NBPF10: variants seen among roughly 807,000 people sequenced by gnomAD.
NBPF10 encodes NBPF family member NBPF10.
Under a neutral mutation model 77.9 loss-of-function variants are expected in NBPF10, and 63 were observed. The ratio of observed to expected loss-of-function variants is 0.81; its 90% CI spans 0.66 to 1.00. The LOEUF (loss-of-function observed/expected upper bound fraction) is 1.00, where lower values mean the gene tolerates loss of function less well. Among genes scored for constraint, NBPF10 ranks in the 50% least tolerant of loss-of-function variants. The probability of loss-of-function intolerance (pLI) is 0.00; values close to 1 mark genes in which losing one functional copy is unlikely to be tolerated. For missense variants in NBPF10, 522 were observed against 679.8 expected (o/e 0.77, Z 2.58); for synonymous variants, 146 against 264.5 (o/e 0.55, Z 4.35).
At chr1:146,080,992 C>G (rs1273739797) in intron 71 of NBPF10, among the ~76,000 whole-genome samples, 3 of 80,176 alleles carry the variant, frequency 3.7e-5, no homozygotes, top group African/African-American at 9.9e-5. Flanking sequence ...CACACACACA[C>G]ACACACACAC....
At chr1:146,126,158 A>T in intron 14 of NBPF10, 78 bp downstream of exon 14, 2 of 915,562 alleles carry the variant, frequency 2.2e-6, no homozygotes, top group Admixed American at 1.7e-5. Flanking sequence ...CAGCTCAGTA[A>T]CGGCCACTTG....
rs3977239 is a variant in NBPF10, at chr1:146,136,184, C to A, written c.1091+169G>T. On this transcript the variant is annotated intron_variant, in intron 7 of 89. Coordinates refer to ENST00000583866, the Ensembl canonical transcript of NBPF10. ...CTCTGAGAAACAACTGCAACCCATA[C>A]ATTTTTACTATCCTTCTTCTCTGAT... is the stretch of plus-strand genomic sequence containing the variant. 4.2e-3 allele frequency among the ~76,000 whole-genome samples: 635 copies of A among 151,896 alleles called. 10 individuals are homozygous for A. Among genetic ancestry groups the A allele is most frequent in the African/African-American group, 0.011 (457 of 41,304 alleles).
In NBPF10 at chr1:146,125,059, GGA is replaced by G. The variant is rs371475271; in HGVS notation, c.2079-201_2079-200del. On this transcript the variant is annotated intron_variant, in intron 15 of 89. Coordinates refer to ENST00000583866, the Ensembl canonical transcript of NBPF10. Reference sequence around the variant, plus strand: ...GAATGAAAGAGAAAGACAGGGAGAGGGAGAGAGAGAGAGAGAGAGAGAGGAGA... The same window carrying G: ...GAATGAAAGAGAAAGACAGGGAGAGGGAGAGAGAGAGAGAGAGAGAGGAGA... 1.7e-3 allele frequency among the ~76,000 whole-genome samples: 115 copies of G among 69,516 alleles called. 1 individual carries two copies. Among genetic ancestry groups the G allele is most frequent in the Non-Finnish European group, 2.5e-3 (93 of 37,074 alleles). The allele number at this position is 69,516 out of a possible 152,430, so 45.6% of individuals were successfully genotyped here.
At position 146,067,235 on chromosome 1, in the gene NBPF10, C is replaced by A. The variant is rs782346895; in HGVS notation, c.11089G>T (p.Glu3697Ter). Reference sequence around the variant, plus strand: ...CCTTCTTTTCTTCCCCTTCTTCTTTCCTTCTTTGATCTTCTTCCCCTTCTT... The same window carrying A: ...CCTTCTTTTCTTCCCCTTCTTCTTTACTTCTTTGATCTTCTTCCCCTTCTT... The change falls in exon 89 of 90, where the codon GAA (glutamate) becomes TAA (stop). Residue 3697 changes from glutamate to a stop codon, truncating the protein, a stop_gained. Coordinates refer to ENST00000583866, the Ensembl canonical transcript of NBPF10. LOFTEE classifies it high-confidence loss of function. The A allele has an allele frequency of 1.1e-5, 6 of 551,802 alleles. No individual in the cohort carries two copies. Among genetic ancestry groups the A allele is most frequent in the Non-Finnish European group, 1.9e-5 (6 of 313,504 alleles). The allele number at this position is 551,802 out of a possible 1,614,324, so 34.2% of individuals were successfully genotyped here.
rs1219483345 is a variant in NBPF10, at chr1:146,139,004, G to C, written c.779-559C>G. On this transcript the variant is annotated intron_variant, in intron 5 of 89. Coordinates refer to ENST00000583866, the Ensembl canonical transcript of NBPF10. ...TCGCCATCTTGGACAGGCTGGTTTCGAACTCCTGAGCTCAGGTGTTCCGCC... is the reference window on the plus strand; with the variant it reads ...TCGCCATCTTGGACAGGCTGGTTTCCAACTCCTGAGCTCAGGTGTTCCGCC... Among the ~76,000 whole-genome samples the C allele has an allele frequency of 1.5e-3, 204 of 139,314 alleles. 7 individuals carry two copies. The highest frequency in any genetic ancestry group is 9.3e-3 in the South Asian group (37 of 3,988). The allele number at this position is 139,314 out of a possible 152,430, so 91.4% of individuals were successfully genotyped here. A position where few individuals can be genotyped will look rare whatever the true frequency, so the allele number is the denominator to read the frequency against.
At chr1:146,134,835 G>A (rs1437496497) in intron 8 of NBPF10, among the ~76,000 whole-genome samples, 4 of 125,320 alleles carry the variant, frequency 3.2e-5, no homozygotes, top group Admixed American at 1.7e-4. Flanking sequence ...ATTTTGGAAA[G>A]CAGTTGTAAG....
At position 146,066,828 on chromosome 1, in the gene NBPF10, C is replaced by T. The variant is rs587659202; in HGVS notation, c.11145-267G>A. 6.9e-3 allele frequency among the ~76,000 whole-genome samples: 1,046 copies of T among 151,794 alleles called. 14 individuals carry two copies. The highest frequency in any genetic ancestry group is 0.024 in the African/African-American group (991 of 41,478). ...CCTAGTGAATTGGCCAGGTGACATA[C>T]TGGTAAGGGAGTCAAAGGACACTCT... On this transcript the variant is annotated intron_variant, in intron 89 of 89. Transcript: ENST00000583866.
intron 14 of NBPF10, among the ~76,000 whole-genome samples, chr1:146,125,837 G>T (rs1571187986): frequency 6.7e-6 from 1 of 150,176 alleles, no homozygotes; most frequent in South Asian, 2.1e-4. Context: ...GAGAAAAACT[G>T]CACTATTCAG....
intron 11 of NBPF10, among the ~76,000 whole-genome samples, chr1:146,130,785 T>G (rs1373026977): frequency 1.1e-4 from 15 of 142,386 alleles, no homozygotes; most frequent in Non-Finnish European, 1.7e-4. Context: ...TAAAGACCAT[T>G]GACGCTAGGA....
chr1:146,135,061 C>T lies in NBPF10; in HGVS notation c.1306+246G>A, dbSNP rs368654294. 9.7e-5 allele frequency among the ~76,000 whole-genome samples: 10 copies of T among 102,664 alleles called. 1 individual carries two copies. The highest frequency in any genetic ancestry group is 7.4e-4 in the East Asian group (3 of 4,080). The allele number at this position is 102,664 out of a possible 152,430, so 67.4% of individuals were successfully genotyped here. A position where few individuals can be genotyped will look rare whatever the true frequency, so the allele number is the denominator to read the frequency against. ...CTCCTTCCTGTCCTTTAAAACTAGA[C>T]AGATGCTGCCTCTTGCTCCAAAGAC... is the stretch of plus-strand genomic sequence containing the variant. On this transcript the variant is annotated intron_variant, in intron 8 of 89. Coordinates refer to ENST00000583866, the Ensembl canonical transcript of NBPF10.
chr1:146,109,523 TAC>T (rs1657377296), intron 35 of NBPF10, among the ~76,000 whole-genome samples: 1 of 14,420 alleles, frequency 6.9e-5, no homozygotes, highest in African/African-American at 1.2e-4. Flanking sequence ...GCCATGAGAA[TAC>T]AGTTTTTGAA....
chr1:146,121,107 C>T (rs1335218491), intron 20 of NBPF10, among the ~76,000 whole-genome samples: 2 of 95,134 alleles, frequency 2.1e-5, no homozygotes, highest in African/African-American at 9.5e-5. Context: ...CTGCACTATT[C>T]AGCCCTGTCT....
At chr1:146,126,250 G>C (rs373313478) in exon 14 of NBPF10, 2 of 1,608,252 alleles carry the variant, frequency 1.2e-6, no homozygotes, top group African/African-American at 2.7e-5. Context: ...CATGTCAATA[G>C]CCAAGCCAAC....
intron 35 of NBPF10, among the ~76,000 whole-genome samples, chr1:146,109,385 G>C (rs1327509976): frequency 1.3e-4 from 7 of 52,298 alleles, no homozygotes; most frequent in African/African-American, 4.1e-4. Flanking sequence ...AATTGTCCAG[G>C]TGACGCACTG....
chr1:146,084,440 AAC>A (rs1656579090), intron 67 of NBPF10, 76 bp downstream of exon 67: 2 of 103,680 alleles, frequency 1.9e-5, no homozygotes, highest in South Asian at 9.4e-5. Flanking sequence ...CATGTCATCA[AAC>A]ACACTCTGGT....
At chr1:146,066,620 C>G in intron 89 of NBPF10, 59 bp from the exon 90 acceptor site, 5 of 528,362 alleles carry the variant, frequency 9.5e-6, no homozygotes, top group Non-Finnish European at 1.7e-5. Flanking sequence ...CACAGAGCCC[C>G]AGCTAGATTT....
At chr1:146,067,879 C>T (rs1314407418) in intron 88 of NBPF10, 124 bp downstream of exon 88, 15 of 696,178 alleles carry the variant, frequency 2.2e-5, no homozygotes, top group Admixed American at 4.1e-5. Flanking sequence ...AACCTATATG[C>T]GCCCATAGGT....
chr1:146,081,013 A>ACG (rs1447241956), intron 71 of NBPF10, among the ~76,000 whole-genome samples: 18 of 79,898 alleles, frequency 2.3e-4, no homozygotes, highest in South Asian at 8.8e-4. Flanking sequence ...ACACACACAC[A>ACG]CACACACACA....
chr1:146,072,785 C>A, exon 82 of NBPF10: 4 of 113,142 alleles, frequency 3.5e-5, no homozygotes, highest in South Asian at 1.6e-4. Context: ...AACAGCACTG[C>A]TGTAGGGCTG....
Sources: allele counts gnomAD v4.1 joint callset (sites outside exome capture counted in the v4.1 genomes callset), GRCh38; gene constraint gnomAD v4.1.1; transcripts MANE v1.5; gene names NCBI Gene and HGNC (gene_info 2026-07-23, HGNC 2026-07-21).